DPP10: variants seen among roughly 807,000 people sequenced by gnomAD.
DPP10 encodes inactive dipeptidyl peptidase 10.
In DPP10, 33 loss-of-function variants were observed where a neutral mutation model predicts 120.9. That is an observed-to-expected ratio of 0.27 (90% CI 0.21 to 0.37). The LOEUF (loss-of-function observed/expected upper bound fraction) is 0.37. Ranked by LOEUF, DPP10 falls within the 10% of genes least tolerant of loss-of-function variation. The pLI is 1.00. For synonymous variants in DPP10, 337 were observed against 326.1 expected (o/e 1.03, Z -0.36); for missense variants, 816 against 942.8 (o/e 0.87, Z 1.76).
chr2:115,770,277 G>A (rs988552038), intron 13 of DPP10, among the ~76,000 whole-genome samples: 8 of 151,988 alleles, frequency 5.3e-5, no homozygotes, highest in Non-Finnish European at 1.2e-4. Flanking sequence ...TAAGCCTAGG[G>A]AAGAAATACC....
chr2:115,583,588 G>A (rs1329170761), intron 5 of DPP10, among the ~76,000 whole-genome samples: 2 of 152,196 alleles, frequency 1.3e-5, no homozygotes, highest in South Asian at 2.1e-4. Flanking sequence ...TTTCTTACAT[G>A]GTATCTCAGG....
chr2:115,254,663 G>A (rs560248794), intron 1 of DPP10, among the ~76,000 whole-genome samples: 2 of 152,220 alleles, frequency 1.3e-5, no homozygotes, highest in Admixed American at 6.5e-5. Flanking sequence ...TACAATGGGA[G>A]TGCAGACATT....
chr2:115,505,798 G>A (rs768184189), intron 4 of DPP10, among the ~76,000 whole-genome samples: 9 of 152,126 alleles, frequency 5.9e-5, no homozygotes, highest in Non-Finnish European at 7.4e-5. Context: ...TAAGAATAAT[G>A]TATTGTGTAT....
intron 2 of DPP10, among the ~76,000 whole-genome samples, chr2:115,334,890 C>T (rs951404709): frequency 6.6e-6 from 1 of 150,656 alleles, no homozygotes; most frequent in African/African-American, 2.4e-5. Flanking sequence ...CCCAAAAAAT[C>T]TATGCAAAAT....
At chr2:115,379,426 A>G (rs781269871) in intron 3 of DPP10, among the ~76,000 whole-genome samples, 4 of 151,918 alleles carry the variant, frequency 2.6e-5, no homozygotes, top group Non-Finnish European at 4.4e-5. Context: ...TATTGCGACT[A>G]TTTGATTCTT....
intron 1 of DPP10, among the ~76,000 whole-genome samples, chr2:114,883,591 C>T (rs192811784): frequency 2.3e-4 from 35 of 152,020 alleles, no homozygotes; most frequent in Non-Finnish European, 3.5e-4. Flanking sequence ...AGTAAAATCC[C>T]GACTTATTCA....
At chr2:114,646,443 C>T (rs1334995776) in intron 1 of DPP10, among the ~76,000 whole-genome samples, 1 of 152,084 alleles carries the variant, frequency 6.6e-6, no homozygotes, top group African/African-American at 2.4e-5. Context: ...TCCTGAGATG[C>T]CCAAGGCCAG....
At chr2:114,475,163 G>A (rs139387787) in intron 1 of DPP10, among the ~76,000 whole-genome samples, 1 of 152,142 alleles carries the variant, frequency 6.6e-6, no homozygotes, top group African/African-American at 2.4e-5. Flanking sequence ...TTACACACAA[G>A]CATGTTATTT....
At chr2:114,683,428 C>T (rs1212653719) in intron 1 of DPP10, among the ~76,000 whole-genome samples, 1 of 151,712 alleles carries the variant, frequency 6.6e-6, no homozygotes. Context: ...CTCTTCACCA[C>T]CCAGTGTGCC....
chr2:115,690,098 ATTATT>A (rs2091230780), intron 7 of DPP10, among the ~76,000 whole-genome samples, 177 bp downstream of exon 7: 1 of 152,212 alleles, frequency 6.6e-6, no homozygotes, highest in African/African-American at 2.4e-5. Flanking sequence ...TGATACTAGT[ATTATT>A]TTATCAGTTA....
At chr2:115,692,479 G>T (rs1326469430) in intron 7 of DPP10, among the ~76,000 whole-genome samples, 1 of 151,948 alleles carries the variant, frequency 6.6e-6, no homozygotes, top group Non-Finnish European at 1.5e-5. Flanking sequence ...TGTAAAGAAT[G>T]AGGAAGTTAT....
intron 5 of DPP10, among the ~76,000 whole-genome samples, chr2:115,549,075 C>A (rs1386946941): frequency 6.6e-6 from 1 of 152,122 alleles, no homozygotes; most frequent in Non-Finnish European, 1.5e-5. Context: ...CTCTTAGTTC[C>A]CTCCTTTGCT....
intron 1 of DPP10, among the ~76,000 whole-genome samples, chr2:114,749,197 G>A (rs1410523655): frequency 6.7e-6 from 1 of 148,848 alleles, no homozygotes; most frequent in African/African-American, 2.5e-5. Context: ...CTGCATAAAT[G>A]TCTTCTTTTG....
At chr2:115,799,824 C>A (rs1416146202) in intron 19 of DPP10, among the ~76,000 whole-genome samples, 2 of 151,972 alleles carry the variant, frequency 1.3e-5, no homozygotes, top group South Asian at 4.1e-4. Context: ...TTTCTTAATC[C>A]AGTCTATCGT....
At chr2:115,832,208 T>C (rs1688997299) in intron 21 of DPP10, among the ~76,000 whole-genome samples, 1 of 152,202 alleles carries the variant, frequency 6.6e-6, no homozygotes, top group Non-Finnish European at 1.5e-5. Context: ...CTTATTTTCA[T>C]CTGGGGCTGG....
At chr2:115,190,210 A>C (rs766732969) in intron 1 of DPP10, among the ~76,000 whole-genome samples, 1 of 152,126 alleles carries the variant, frequency 6.6e-6, no homozygotes, top group Non-Finnish European at 1.5e-5. Context: ...ATTGTCACCC[A>C]CCAAAATATT....
intron 1 of DPP10, among the ~76,000 whole-genome samples, chr2:115,151,289 T>TC (rs1266240876): frequency 6.6e-6 from 1 of 152,204 alleles, no homozygotes; most frequent in African/African-American, 2.4e-5. Context: ...CCCAAGTAAT[T>TC]CTTTTTTTCC....
At chr2:114,564,301 A>G (rs1459919488) in intron 1 of DPP10, among the ~76,000 whole-genome samples, 1 of 152,054 alleles carries the variant, frequency 6.6e-6, no homozygotes, top group Admixed American at 6.6e-5. Context: ...GTTGCTATAT[A>G]TGTCCTATTT....
chr2:115,544,109 A>G (rs148655803), intron 5 of DPP10, among the ~76,000 whole-genome samples: 203 of 152,106 alleles, frequency 1.3e-3, no homozygotes, highest in Non-Finnish European at 2.5e-3. Context: ...AAAATGTGAG[A>G]TAGTAAAAAC....
Sources: gnomAD v4.1 joint callset for allele counts (sites outside exome capture counted in the v4.1 genomes callset) on GRCh38, gnomAD v4.1.1 for gene constraint, MANE v1.5 for transcripts, NCBI Gene and HGNC (gene_info 2026-07-23, HGNC 2026-07-21) for gene names.